Variants in EEFSEC observed in about 807,000 individuals in gnomAD.
The protein encoded by EEFSEC is selenocysteine-specific elongation factor.
EEFSEC carries 43 observed loss-of-function variants against 42.1 expected under a neutral mutation model. The observed-to-expected ratio is 1.02, with a 90% CI of 0.80 to 1.32. The LOEUF (loss-of-function observed/expected upper bound fraction) is 1.32, where lower values mean the gene tolerates loss of function less well. Ranked by LOEUF, EEFSEC falls within the 40% of genes most tolerant of loss-of-function variation. The pLI is 0.00. For missense variants in EEFSEC, 745 were observed against 803.6 expected (o/e 0.93, Z 0.88); for synonymous variants, 354 against 339.1 (o/e 1.04, Z -0.48).
intron 4 of EEFSEC, among the ~76,000 whole-genome samples, chr3:128,303,121 T>C (rs2066788262): frequency 6.6e-6 from 1 of 152,066 alleles, no homozygotes; most frequent in Non-Finnish European, 1.5e-5. Context: ...TTTTAAACAT[T>C]ATTATTATTA....
chr3:128,384,569 C>T (rs1467336878), intron 6 of EEFSEC, among the ~76,000 whole-genome samples: 1 of 152,228 alleles, frequency 6.6e-6, no homozygotes, highest in Non-Finnish European at 1.5e-5. Flanking sequence ...TTCCCACATG[C>T]ACGCATGCAC....
At chr3:128,232,504 T>C (rs2107868649) in intron 1 of EEFSEC, among the ~76,000 whole-genome samples, 1 of 152,268 alleles carries the variant, frequency 6.6e-6, no homozygotes. Flanking sequence ...ACTTGAGAAC[T>C]GAACATTTTC....
chr3:128,408,005 G>A (rs773383535), intron 6 of EEFSEC, 64 bp from the exon 7 acceptor site: 35 of 1,447,344 alleles, frequency 2.4e-5, no homozygotes, highest in South Asian at 2.8e-5. Context: ...GCAGGTGCGC[G>A]GGCAGGGAGC....
intron 1 of EEFSEC, among the ~76,000 whole-genome samples, chr3:128,164,525 A>G (rs2065225323): frequency 6.6e-6 from 1 of 152,080 alleles, no homozygotes; most frequent in Non-Finnish European, 1.5e-5. Context: ...AAAGAAGGGG[A>G]GTGGTCAGGG....
intron 4 of EEFSEC, among the ~76,000 whole-genome samples, chr3:128,335,554 G>T (rs542423050): frequency 6.6e-6 from 1 of 152,240 alleles, no homozygotes; most frequent in Non-Finnish European, 1.5e-5. Flanking sequence ...AGCAAATAAA[G>T]TCAGAGACAT....
intron 1 of EEFSEC, among the ~76,000 whole-genome samples, chr3:128,190,679 C>T (rs1015401831): frequency 6.6e-5 from 10 of 152,240 alleles, no homozygotes; most frequent in East Asian, 3.9e-4. Flanking sequence ...CAGAGTCATG[C>T]CCTAGGCCTT....
At chr3:128,409,306 A>G (rs1241050565), downstream of EEFSEC, among the ~76,000 whole-genome samples, 3 of 152,232 alleles carry the variant, frequency 2.0e-5, no homozygotes, top group African/African-American at 7.2e-5. Context: ...GGCATTAAAA[A>G]TATTAACAGG....
chr3:128,162,740 A>G (rs2065202988), intron 1 of EEFSEC, among the ~76,000 whole-genome samples: 1 of 152,088 alleles, frequency 6.6e-6, no homozygotes, highest in South Asian at 2.1e-4. Context: ...AAACATATCA[A>G]AAGTTAAATC....
chr3:128,218,509 G>A (rs989367444), intron 1 of EEFSEC, among the ~76,000 whole-genome samples: 1 of 152,216 alleles, frequency 6.6e-6, no homozygotes, highest in African/African-American at 2.4e-5. Flanking sequence ...TACTCAAGCT[G>A]CTCAACCGTC....
At chr3:128,406,841 T>TATATATATACACATATATATAC (rs1216240921) in intron 6 of EEFSEC, among the ~76,000 whole-genome samples, 5 of 151,406 alleles carry the variant, frequency 3.3e-5, no homozygotes, top group African/African-American at 1.2e-4. Context: ...CACACAAATA[T>TATATATATACACATATATATAC]ATATATATAC....
chr3:128,196,008 G>A (rs887321180), intron 1 of EEFSEC, among the ~76,000 whole-genome samples: 2 of 152,252 alleles, frequency 1.3e-5, no homozygotes, highest in African/African-American at 4.8e-5. Flanking sequence ...GCCTTTCTGC[G>A]AGGGCCTGCA....
At chr3:128,319,999 G>A (rs1373357246) in intron 4 of EEFSEC, among the ~76,000 whole-genome samples, 2 of 152,230 alleles carry the variant, frequency 1.3e-5, no homozygotes, top group Admixed American at 6.5e-5. Flanking sequence ...TTCAATAGGG[G>A]CAGGTCAGTG....
At chr3:128,348,289 T>TGTGC (rs1171075020) in intron 5 of EEFSEC, among the ~76,000 whole-genome samples, 5 of 151,770 alleles carry the variant, frequency 3.3e-5, no homozygotes, top group African/African-American at 7.3e-5. Context: ...TGTGTGTGTG[T>TGTGC]GTGCGTGTGT....
At chr3:128,408,672 A>C (rs907071674), downstream of EEFSEC, 2 of 163,770 alleles carry the variant, frequency 1.2e-5, no homozygotes, top group African/African-American at 4.8e-5. Context: ...CTGTGACTTC[A>C]CTAGGTCCGC....
At chr3:128,390,687 C>G (rs1206203609) in intron 6 of EEFSEC, among the ~76,000 whole-genome samples, 4 of 152,276 alleles carry the variant, frequency 2.6e-5, no homozygotes, top group African/African-American at 7.2e-5. Flanking sequence ...GCCCAGGGCC[C>G]AAGGCAGCCA....
chr3:128,263,598 A>C (rs1002399250), intron 3 of EEFSEC, among the ~76,000 whole-genome samples: 1 of 152,244 alleles, frequency 6.6e-6, no homozygotes, highest in Non-Finnish European at 1.5e-5. Flanking sequence ...GCCCCTACAT[A>C]AATCTCAGAC....
intron 1 of EEFSEC, among the ~76,000 whole-genome samples, chr3:128,178,142 A>G (rs1055957864): frequency 6.6e-5 from 10 of 152,238 alleles, no homozygotes; most frequent in Non-Finnish European, 1.2e-4. Context: ...TGTGGTAAAA[A>G]TGCATGAACT....
At chr3:128,374,630 C>T (rs989102099) in intron 6 of EEFSEC, among the ~76,000 whole-genome samples, 1 of 151,938 alleles carries the variant, frequency 6.6e-6, no homozygotes, top group South Asian at 2.1e-4. Context: ...TTCACTGAGA[C>T]GTGATTTTCC....
chr3:128,407,438 T>G (rs1451827455), intron 6 of EEFSEC, among the ~76,000 whole-genome samples: 5 of 152,124 alleles, frequency 3.3e-5, no homozygotes, highest in Admixed American at 3.3e-4. Flanking sequence ...GGGGGCACTG[T>G]GAGAATGGCG....
Sources: gnomAD v4.1 joint callset for allele counts (sites outside exome capture counted in the v4.1 genomes callset) on GRCh38, gnomAD v4.1.1 for gene constraint, MANE v1.5 for transcripts, NCBI Gene and HGNC (gene_info 2026-07-23, HGNC 2026-07-21) for gene names.